OR10C1: variants seen among roughly 807,000 people sequenced by gnomAD.
OR10C1 encodes the protein olfactory receptor 10C1.
For synonymous variants in OR10C1, 183 were observed against 174.4 expected, an observed-to-expected ratio of 1.05 and a Z score of -0.39; for missense variants, 388 against 392.1, an observed-to-expected ratio of 0.99 and a Z score of 0.09.
Position 29,440,471 on chromosome 6 carries a change from G to T in OR10C1, c.456G>T (p.Val152=). The change falls in exon 1 of 1, where the codon GTG becomes GTT. Residue 152 remains valine, a synonymous_variant. Coordinates refer to ENST00000444197, the MANE Select transcript of OR10C1 (RefSeq NM_013941.4). ...CTGGGTCGGCGTGGGCCTGTGGGGT[G>T]CTGGTGGGGCTGGGCCACACCCCTT... ...QLAGSAWACG[V]LVGLGHTPFI... The T allele has an allele frequency of 1.2e-6, 2 of 1,613,884 alleles. No homozygotes were observed. Among genetic ancestry groups the T allele is most frequent in the Non-Finnish European group, 8.5e-7 (1 of 1,179,960 alleles).
At position 29,440,330 on chromosome 6, in the gene OR10C1, C is replaced by G. The variant is rs1156931949; in HGVS notation, c.315C>G (p.Phe105Leu). Reference protein sequence around the residue: ...GCALQMFFFLFFGATECCLLA... With the variant: ...GCALQMFFFLLFGATECCLLA... ...CTCTCCAGATGTTCTTCTTCCTCTT[C>G]TTTGGCGCCACGGAGTGCTGCCTCC... The change falls in exon 1 of 1, where the codon TTC becomes TTG. Residue 105 changes from phenylalanine (F) to leucine (L), a missense_variant. Coordinates refer to ENST00000444197, the MANE Select transcript of OR10C1 (RefSeq NM_013941.4). 1 of 1,614,130 alleles carries G rather than the reference C, an allele frequency of 6.2e-7. No homozygotes were observed. The highest frequency in any genetic ancestry group is 1.3e-5 in the African/African-American group (1 of 75,064).
Position 29,440,563 on chromosome 6 carries a change from T to A in OR10C1, c.548T>A (p.Val183Asp). Residue 183 changes from valine (V) to aspartate (D), a missense_variant, in exon 1 of 1, where the codon GTC becomes GAC. Coordinates refer to ENST00000444197, the MANE Select transcript of OR10C1 (RefSeq NM_013941.4). Reference sequence around the variant, plus strand: ...CAGTTCTTCTGTGAGATCCAGCCTGTCCTGCAGCTGGTATGTGGAGACACC... The same window carrying A: ...CAGTTCTTCTGTGAGATCCAGCCTGACCTGCAGCTGGTATGTGGAGACACC... ...IPQFFCEIQP[V>D]LQLVCGDTSL... 6.2e-7 allele frequency: 1 copy of A among 1,613,888 alleles called. No homozygotes were observed. Among genetic ancestry groups the A allele is most frequent in the Non-Finnish European group, 8.5e-7 (1 of 1,179,976 alleles).
At position 29,439,813 on chromosome 6, in the gene OR10C1, A is replaced by G. The variant is rs989553997; in HGVS notation, c.-203A>G. The G allele has an allele frequency of 3.4e-6, 2 of 590,194 alleles. No homozygotes were observed. The highest frequency in any genetic ancestry group is 6.0e-6 in the Non-Finnish European group (2 of 333,276). The allele number at this position is 590,194 out of a possible 1,614,324, so 36.6% of individuals were successfully genotyped here. Reference sequence around the variant, plus strand: ...GGCTCAGAGAGACAAATACTCATCCAGGATCCCAAGAGTGAGCAAGGGTGG... The same window carrying G: ...GGCTCAGAGAGACAAATACTCATCCGGGATCCCAAGAGTGAGCAAGGGTGG... On this transcript the variant is annotated 5_prime_UTR_variant, in exon 1 of 1. Transcript: ENST00000444197.
At position 29,440,450 on chromosome 6, in the gene OR10C1, G is replaced by A; in HGVS notation, c.435G>A (p.Gly145=). 1 of 1,614,062 alleles carries A rather than the reference G, an allele frequency of 6.2e-7. No homozygotes were observed. The highest frequency in any genetic ancestry group is 8.5e-7 in the Non-Finnish European group (1 of 1,180,042). ...LSHRVCLQLA[G]SAWACGVLVG... is the part of the protein sequence containing the mutation. ...ACCGGGTGTGTCTACAGCTAGCTGG[G>A]TCGGCGTGGGCCTGTGGGGTGCTGG... The change falls in exon 1 of 1, where the codon GGG becomes GGA. Residue 145 remains glycine (G), a synonymous_variant. Coordinates refer to ENST00000444197, the MANE Select transcript of OR10C1 (RefSeq NM_013941.4).
Position 29,440,835 on chromosome 6 carries a change from T to C in OR10C1, c.820T>C (p.Ser274Pro). 1 of 1,613,796 alleles carries C rather than the reference T, an allele frequency of 6.2e-7. No homozygotes were observed. The highest frequency in any genetic ancestry group is 8.5e-7 in the Non-Finnish European group (1 of 1,179,780). Residue 274 changes from serine to proline, a missense_variant, in exon 1 of 1, where the codon TCC becomes CCC. By Grantham distance (74) the Ser-to-Pro change is moderately conservative. Transcript: ENST00000444197. ...CGATCCGGCCACTGACCCTCTGGTG[T>C]CCCTCTTCTATGCTGTGGTCACCCC... is the stretch of plus-strand genomic sequence containing the variant. ...SYDPATDPLV[S>P]LFYAVVTPIL...
chr6:29,440,584 A>G lies in OR10C1; in HGVS notation c.569A>G (p.Asp190Gly), dbSNP rs1427846245. ...IQPVLQLVCG[D>G]TSLNELQIIL... is the part of the protein sequence containing the mutation. ...CCTGTCCTGCAGCTGGTATGTGGAGACACCTCGCTTAATGAACTGCAGATT... is the reference window on the plus strand; with the variant it reads ...CCTGTCCTGCAGCTGGTATGTGGAGGCACCTCGCTTAATGAACTGCAGATT... Residue 190 changes from aspartate to glycine, a missense_variant, in exon 1 of 1, where the codon GAC (aspartate) becomes GGC (glycine). Asp to Gly is a moderately conservative substitution (Grantham distance 94). Coordinates refer to ENST00000444197, the MANE Select transcript of OR10C1 (RefSeq NM_013941.4). 1 of 1,613,578 alleles carries G rather than the reference A, an allele frequency of 6.2e-7. No homozygotes were observed. Among genetic ancestry groups the G allele is most frequent in the Admixed American group, 1.7e-5 (1 of 59,992 alleles).
In OR10C1 at chr6:29,440,682, AC is replaced by A. The variant is rs749413460; in HGVS notation, c.669del (p.Ile224SerfsTer21). The A allele has an allele frequency of 6.2e-6, 10 of 1,613,926 alleles. No individual in the cohort carries two copies. In the African/African-American group the frequency reaches 9.3e-5, roughly 15 times the overall value. ...GGGCTCCTACGGGCGTATCCTCGTT[AC>A]CATCTTCCGGATCCCATCTGTTGCG... ...ILGSYGRILV[T>X]IFRIPSVAGR... On this transcript the variant is annotated frameshift_variant, in exon 1 of 1. Coordinates refer to ENST00000444197, the MANE Select transcript of OR10C1 (RefSeq NM_013941.4). LOFTEE classifies it low-confidence loss of function (END_TRUNC).
In OR10C1 at chr6:29,440,535, C is replaced by G; in HGVS notation, c.520C>G (p.Pro174Ala). Residue 174 changes from proline (P) to alanine (A), a missense_variant, in exon 1 of 1, where the codon CCG (proline) becomes GCG (alanine). Transcript: ENST00000444197. ...GCCCTTCTGCGGCCCCAATACCATC[C>G]CGCAGTTCTTCTGTGAGATCCAGCC... ...SLPFCGPNTIPQFFCEIQPVL... is the reference protein window; with the variant it reads ...SLPFCGPNTIAQFFCEIQPVL... 2 of 1,613,756 alleles carry G rather than the reference C, an allele frequency of 1.2e-6. No homozygotes were observed. The highest frequency in any genetic ancestry group is 1.7e-6 in the Non-Finnish European group (2 of 1,180,022).
chr6:29,440,113 T>A lies in OR10C1; in HGVS notation c.98T>A (p.Ile33Asn), dbSNP rs1233977118. 10 of 1,613,286 alleles carry A rather than the reference T, an allele frequency of 6.2e-6. No homozygotes were observed. Among genetic ancestry groups the A allele is most frequent in the Admixed American group, 1.7e-5 (1 of 60,010 alleles). The change falls in exon 1 of 1, where the codon ATC becomes AAC. Residue 33 changes from isoleucine to asparagine, a missense_variant. Transcript: ENST00000444197. The stretch of plus-strand genomic sequence containing the variant: ...TTGCTCTTCTCTGTCTTTCTCACTA[T>A]CTACCTGCTGACCGTGGCAGGCAAT... ...QGLLFSVFLT[I>N]YLLTVAGNFL... is the part of the protein sequence containing the mutation.
In OR10C1 at chr6:29,440,882, C is replaced by T; in HGVS notation, c.867C>T (p.Tyr289=). The part of the protein sequence containing the change: ...VVTPILNPII[Y]SLRNTEVKAA... The stretch of plus-strand genomic sequence containing the variant: ...CCCCCATCCTCAACCCCATCATCTA[C>T]AGCCTGCGGAACACAGAGGTCAAAG... The change falls in exon 1 of 1, where the codon TAC becomes TAT. Residue 289 remains tyrosine (Y), a synonymous_variant. Coordinates refer to ENST00000444197, the MANE Select transcript of OR10C1 (RefSeq NM_013941.4). 1 of 1,613,868 alleles carries T rather than the reference C, an allele frequency of 6.2e-7. No individual in the cohort carries two copies. The highest frequency in any genetic ancestry group is 1.1e-5 in the South Asian group (1 of 91,086).
Position 29,440,478 on chromosome 6 carries a change from G to T in OR10C1, c.463G>T (p.Gly155Trp). ...GGCGTGGGCCTGTGGGGTGCTGGTG[G>T]GGCTGGGCCACACCCCTTTCATCTT... is the stretch of plus-strand genomic sequence containing the variant. Reference protein sequence around the residue: ...GSAWACGVLVGLGHTPFIFSL... With the variant: ...GSAWACGVLVWLGHTPFIFSL... The change falls in exon 1 of 1, where the codon GGG (glycine) becomes TGG (tryptophan). Residue 155 changes from glycine (G) to tryptophan (W), a missense_variant. Transcript: ENST00000444197. 1 of 1,613,456 alleles carries T rather than the reference G, an allele frequency of 6.2e-7. No homozygotes were observed. Among genetic ancestry groups the T allele is most frequent in the Non-Finnish European group, 8.5e-7 (1 of 1,179,584 alleles).
chr6:29,439,942 C>G lies in OR10C1; in HGVS notation c.-74C>G. 8.8e-7 allele frequency: 1 copy of G among 1,141,778 alleles called. No individual in the cohort carries two copies. The highest frequency in any genetic ancestry group is 1.3e-6 in the Non-Finnish European group (1 of 777,336). 70.7% of individuals were successfully genotyped at this position (1,141,778 alleles called of 1,614,324 possible). On this transcript the variant is annotated 5_prime_UTR_variant, in exon 1 of 1. Transcript: ENST00000444197. ...AGATGCAGAGAGAGGTCATCTTTGC[C>G]CATTTCACGATTCCATAGTTGTGAT... is the stretch of plus-strand genomic sequence containing the variant.
chr6:29,440,885 C>A lies in OR10C1; in HGVS notation c.870C>A (p.Ser290Arg). The A allele has an allele frequency of 6.2e-7, 1 of 1,613,824 alleles. No homozygotes were observed. The highest frequency in any genetic ancestry group is 1.7e-5 in the Admixed American group (1 of 60,022). Residue 290 changes from serine (S) to arginine (R), a missense_variant, in exon 1 of 1, where the codon AGC (serine) becomes AGA (arginine). Physicochemically the swap from Ser to Arg is moderately radical, Grantham distance 110 (BLOSUM62 -1). Coordinates refer to ENST00000444197, the MANE Select transcript of OR10C1 (RefSeq NM_013941.4). ...VTPILNPIIY[S>R]LRNTEVKAAL... ...CCATCCTCAACCCCATCATCTACAG[C>A]CTGCGGAACACAGAGGTCAAAGCTG...
In OR10C1 at chr6:29,440,625, C is replaced by T. The variant is rs767606689; in HGVS notation, c.610C>T (p.Leu204Phe). The T allele has an allele frequency of 5.0e-6, 8 of 1,614,044 alleles. No individual in the cohort carries two copies. The highest frequency in any genetic ancestry group is 3.3e-5 in the South Asian group (3 of 91,088). ...NELQIILATA[L>F]LILCPFGLIL... ...ACTGCAGATTATCCTGGCAACAGCC[C>T]TCCTCATCCTCTGCCCCTTTGGCCT... The change falls in exon 1 of 1, where the codon CTC (leucine) becomes TTC (phenylalanine). Residue 204 changes from leucine (L) to phenylalanine (F), a missense_variant. Coordinates refer to ENST00000444197, the MANE Select transcript of OR10C1 (RefSeq NM_013941.4).
Position 29,439,614 on chromosome 6 carries a change from C to A in OR10C1, c.-402C>A, listed in dbSNP as rs1783931788. 5.4e-6 allele frequency: 1 copy of A among 185,898 alleles called. No individual in the cohort carries two copies. Among genetic ancestry groups the A allele is most frequent in the Middle Eastern group, 2.2e-3 (1 of 454 alleles). The allele number at this position is 185,898 out of a possible 1,614,324, so 11.5% of individuals were successfully genotyped here. ...GAGACAAGTTGATGGAGAAAAAGAT[C>A]TGCTATGAGGGAAAATTCTGTCTCC... is the stretch of plus-strand genomic sequence containing the variant. On this transcript the variant is annotated 5_prime_UTR_variant, in exon 1 of 1. The change creates a new upstream start codon in the 5' untranslated region. Transcript: ENST00000444197.
At position 29,440,012 on chromosome 6, in the gene OR10C1, C is replaced by T. The variant is rs1783972670; in HGVS notation, c.-4C>T. On this transcript the variant is annotated 5_prime_UTR_variant, in exon 1 of 1. Coordinates refer to ENST00000444197, the MANE Select transcript of OR10C1 (RefSeq NM_013941.4). ...TGTCTTCCAGTCAAAGGTATGCAGGCAGGATGAGTGCAAACACCTCCATGG... is the reference window on the plus strand; with the variant it reads ...TGTCTTCCAGTCAAAGGTATGCAGGTAGGATGAGTGCAAACACCTCCATGG... The T allele has an allele frequency of 6.2e-7, 1 of 1,610,044 alleles. No individual in the cohort carries two copies. Among genetic ancestry groups the T allele is most frequent in the African/African-American group, 1.3e-5 (1 of 74,820 alleles).
Position 29,440,303 on chromosome 6 carries a change from T to G in OR10C1, c.288T>G (p.Cys96Trp), listed in dbSNP as rs1266611468. 6.2e-7 allele frequency: 1 copy of G among 1,614,096 alleles called. No individual in the cohort carries two copies. The highest frequency in any genetic ancestry group is 8.5e-7 in the Non-Finnish European group (1 of 1,180,036). The change falls in exon 1 of 1, where the codon TGT (cysteine) becomes TGG (tryptophan). Residue 96 changes from cysteine to tryptophan, a missense_variant. By Grantham distance (215) the Cys-to-Trp change is radical (BLOSUM62 -2). Transcript: ENST00000444197. ...TGRRHISRSG[C>W]ALQMFFFLFF... ...GGCGCCACATCTCTCGCTCTGGATG[T>G]GCTCTCCAGATGTTCTTCTTCCTCT...
chr6:29,440,247 C>G lies in OR10C1; in HGVS notation c.232C>G (p.Pro78Ala). The G allele has an allele frequency of 6.2e-7, 1 of 1,613,994 alleles. No individual in the cohort carries two copies. Among genetic ancestry groups the G allele is most frequent in the Non-Finnish European group, 8.5e-7 (1 of 1,180,020 alleles). The stretch of plus-strand genomic sequence containing the variant: ...GATTGGCTATACGTCTGTCACGGTC[C>G]CCCTGCTACTTCACCACCTCCTTAC... Reference protein sequence around the residue: ...LEIGYTSVTVPLLLHHLLTGR... With the variant: ...LEIGYTSVTVALLLHHLLTGR... Residue 78 changes from proline (P) to alanine (A), a missense_variant, in exon 1 of 1, where the codon CCC (proline) becomes GCC (alanine). Pro to Ala is a conservative substitution (Grantham distance 27). Coordinates refer to ENST00000444197, the MANE Select transcript of OR10C1 (RefSeq NM_013941.4).
rs755057225 is a variant in OR10C1, at chr6:29,440,202, C to A, written c.187C>A (p.Arg63Ser). 7 of 1,613,870 alleles carry A rather than the reference C, an allele frequency of 4.3e-6. No homozygotes were observed. The highest frequency in any genetic ancestry group is 5.1e-6 in the Non-Finnish European group (6 of 1,180,022). The change falls in exon 1 of 1, where the codon CGC (arginine) becomes AGC (serine). Residue 63 changes from arginine (R) to serine (S), a missense_variant. Coordinates refer to ENST00000444197, the MANE Select transcript of OR10C1 (RefSeq NM_013941.4). ...CCAGTCCCCTATGTACTTCTTCCTG[C>A]GCACCCTCTCGGCCTTGGAGATTGG... The part of the protein sequence containing the change: ...ALQSPMYFFL[R>S]TLSALEIGYT...
Sources: allele counts gnomAD v4.1 joint callset, GRCh38; gene constraint gnomAD v4.1.1; transcripts MANE v1.5; gene names NCBI Gene and HGNC (gene_info 2026-07-23, HGNC 2026-07-21).